CSMD1: variants seen among roughly 807,000 people sequenced by gnomAD.
The protein encoded by CSMD1 is CUB and Sushi multiple domains 1, also known as CUB and sushi domain-containing protein 1.
CSMD1 carries 213 observed loss-of-function variants against 417.5 expected under a neutral mutation model. The ratio of observed to expected loss-of-function variants is 0.51; its 90% confidence interval spans 0.46 to 0.57. The LOEUF (loss-of-function observed/expected upper bound fraction) is 0.57. Ranked by LOEUF, CSMD1 falls within the 20% of genes least tolerant of loss-of-function variation. CSMD1 has a pLI of 0.00. For missense variants in CSMD1, 6,923 were observed against 4,529.7 expected, an observed-to-expected ratio of 1.53 and a Z score of -15.17; for synonymous variants, 2,862 against 1,736.8, an observed-to-expected ratio of 1.65 and a Z score of -16.11.
chr8:3,846,435 CAAG>C (rs1055127994), intron 5 of CSMD1, among the ~76,000 whole-genome samples: 5 of 152,092 alleles, frequency 3.3e-5, no homozygotes, highest in Non-Finnish European at 2.9e-5. Flanking sequence ...CCCAACTGAT[CAAG>C]AAGATGACAG....
chr8:3,441,866 C>T (rs892003344), intron 12 of CSMD1, among the ~76,000 whole-genome samples: 6 of 151,758 alleles, frequency 4.0e-5, no homozygotes, highest in Admixed American at 1.3e-4. Flanking sequence ...TCACTGTAAA[C>T]AGCCTTAGGC....
chr8:4,239,473 A>G (rs1482117459), intron 3 of CSMD1, among the ~76,000 whole-genome samples: 2 of 152,154 alleles, frequency 1.3e-5, no homozygotes, highest in East Asian at 3.9e-4. Context: ...GGAGAGATGT[A>G]GCACCCTCAG....
chr8:3,878,097 G>T (rs1482987541), intron 5 of CSMD1, among the ~76,000 whole-genome samples: 16 of 151,946 alleles, frequency 1.1e-4, no homozygotes, highest in Non-Finnish European at 1.5e-5. Context: ...ATCAGCTTCT[G>T]CCTGTCTTCC....
At chr8:4,072,968 C>T (rs145502363) in intron 3 of CSMD1, among the ~76,000 whole-genome samples, 7 of 152,296 alleles carry the variant, frequency 4.6e-5, no homozygotes, top group African/African-American at 1.7e-4. Flanking sequence ...TTGCTCGTGA[C>T]ATCAGATTTT....
chr8:4,919,449 A>C (rs73507995), intron 1 of CSMD1, among the ~76,000 whole-genome samples: 2,561 of 152,256 alleles, frequency 0.017, 64 homozygotes, highest in African/African-American at 0.057. Context: ...AGGGGGATTT[A>C]ATGTATATTT....
At chr8:4,011,342 A>C (rs900377128) in intron 4 of CSMD1, among the ~76,000 whole-genome samples, 4 of 152,148 alleles carry the variant, frequency 2.6e-5, no homozygotes, top group African/African-American at 9.7e-5. Flanking sequence ...CCCCATTCAA[A>C]AACAATGTTA....
At chr8:4,359,927 G>C (rs1313810760) in intron 3 of CSMD1, among the ~76,000 whole-genome samples, 1 of 152,140 alleles carries the variant, frequency 6.6e-6, no homozygotes. Context: ...TCAACGTTCA[G>C]TGAAAGAATG....
intron 40 of CSMD1, among the ~76,000 whole-genome samples, chr8:3,148,193 A>C (rs1818965610): frequency 6.6e-6 from 1 of 152,158 alleles, no homozygotes; most frequent in African/African-American, 2.4e-5. Flanking sequence ...ATTACAAGAT[A>C]ATTGTGGTCA....
At position 3,476,152 on chromosome 8, in the gene CSMD1, G is replaced by A. The variant is rs536734514; in HGVS notation, c.1449-7328C>T. Among the ~76,000 whole-genome samples, 7 of 152,260 alleles carry A rather than the reference G, an allele frequency of 4.6e-5. No individual in the cohort carries two copies. The South Asian group carries it at 8.3e-4, about 18-fold the overall frequency. On this transcript the variant is annotated intron_variant, in intron 11 of 69. Transcript: ENST00000635120. The stretch of plus-strand genomic sequence containing the variant: ...GAGTCCAGGAGTTCAAGACTAGCCT[G>A]CGCAACATAGCGAGGCCTTGGCTCA...
intron 3 of CSMD1, among the ~76,000 whole-genome samples, chr8:4,360,965 T>G (rs1269248760): frequency 1.3e-5 from 2 of 152,178 alleles, no homozygotes; most frequent in African/African-American, 4.8e-5. Flanking sequence ...GAGGAATACT[T>G]GACTGACAGT....
intron 1 of CSMD1, among the ~76,000 whole-genome samples, chr8:4,740,895 A>G (rs1045725686): frequency 6.6e-6 from 1 of 152,180 alleles, no homozygotes; most frequent in African/African-American, 2.4e-5. Context: ...TTTTTCCACA[A>G]CAGCTAACTT....
chr8:4,055,070 G>C (rs934899896), intron 3 of CSMD1, among the ~76,000 whole-genome samples: 1 of 152,128 alleles, frequency 6.6e-6, no homozygotes, highest in African/African-American at 2.4e-5. Context: ...CAATCAGAGA[G>C]AATACTCATG....
chr8:4,733,514 G>A (rs565364389), intron 1 of CSMD1, among the ~76,000 whole-genome samples: 1 of 152,296 alleles, frequency 6.6e-6, no homozygotes, highest in Non-Finnish European at 1.5e-5. Context: ...CCTCTCAATG[G>A]TGCAACAAGG....
At chr8:2,939,232 A>C (rs544056137) in intron 69 of CSMD1, among the ~76,000 whole-genome samples, 1 of 152,374 alleles carries the variant, frequency 6.6e-6, no homozygotes, top group Admixed American at 6.5e-5. Flanking sequence ...TTAAGACACG[A>C]AACTTTCTAC....
intron 5 of CSMD1, among the ~76,000 whole-genome samples, chr8:3,845,584 C>G (rs141285564): frequency 1.3e-5 from 2 of 152,130 alleles, no homozygotes; most frequent in Non-Finnish European, 2.9e-5. Flanking sequence ...AGGCCTAGGA[C>G]ATCTCAGTAC....
intron 25 of CSMD1, among the ~76,000 whole-genome samples, chr8:3,307,454 A>C (rs749953871): frequency 1.1e-4 from 17 of 152,194 alleles, no homozygotes; most frequent in Admixed American, 1.1e-3. Flanking sequence ...ATAGTTTGTT[A>C]TGCAGCAGAA....
intron 41 of CSMD1, among the ~76,000 whole-genome samples, chr8:3,122,708 TG>T (rs999814071): frequency 3.5e-4 from 53 of 152,270 alleles, no homozygotes; most frequent in African/African-American, 1.3e-3. Flanking sequence ...GCTGCCGCCA[TG>T]TAAGAAGTGC....
chr8:4,342,603 A>T (rs1800544112), intron 3 of CSMD1, among the ~76,000 whole-genome samples: 1 of 152,154 alleles, frequency 6.6e-6, no homozygotes, highest in East Asian at 1.9e-4. Flanking sequence ...GGGAAAAAAA[A>T]GATGGTAATA....
At chr8:4,074,555 G>A (rs1799724128) in intron 3 of CSMD1, among the ~76,000 whole-genome samples, 2 of 151,982 alleles carry the variant, frequency 1.3e-5, no homozygotes, top group South Asian at 2.1e-4. Context: ...TATTCCCAGT[G>A]GAAGTTAAAG....
Sources: gnomAD v4.1 joint callset for allele counts (sites outside exome capture counted in the v4.1 genomes callset) on GRCh38, gnomAD v4.1.1 for gene constraint, MANE v1.5 for transcripts, NCBI Gene and HGNC (gene_info 2026-07-23, HGNC 2026-07-21) for gene names.